Variants in MACROD2 observed in about 807,000 individuals in gnomAD.
MACROD2 encodes mono-ADP ribosylhydrolase 2, also known as ADP-ribose glycohydrolase MACROD2.
MACROD2 carries 36 observed loss-of-function variants against 70.4 expected under a neutral mutation model. The observed-to-expected ratio is 0.51, with a 90% CI of 0.39 to 0.68. The LOEUF is 0.68. MACROD2 is among the 30% of genes least tolerant of loss of function. The probability of loss-of-function intolerance (pLI) is 0.00; values close to 1 mark genes in which losing one functional copy is unlikely to be tolerated. For synonymous variants in MACROD2, 172 were observed against 178.8 expected, an observed-to-expected ratio of 0.96 and a Z score of 0.30; for missense variants, 496 against 538.4, an observed-to-expected ratio of 0.92 and a Z score of 0.78.
intron 15 of MACROD2, among the ~76,000 whole-genome samples, chr20:16,002,263 G>T (rs891449639): frequency 6.6e-6 from 1 of 152,056 alleles, no homozygotes; most frequent in Non-Finnish European, 1.5e-5. Flanking sequence ...GAACATTAAG[G>T]GTTACTGTTT....
intron 6 of MACROD2, among the ~76,000 whole-genome samples, chr20:15,325,770 T>C (rs973902393): frequency 5.9e-5 from 9 of 152,140 alleles, no homozygotes; most frequent in Admixed American, 3.9e-4. Context: ...GCATGACATA[T>C]GGTGGCCTTC....
intron 3 of MACROD2, among the ~76,000 whole-genome samples, chr20:14,361,350 C>T (rs941406207): frequency 2.0e-5 from 3 of 152,192 alleles, no homozygotes; most frequent in African/African-American, 7.2e-5. Flanking sequence ...CGTGAGGAAA[C>T]TGACATTGTG....
intron 15 of MACROD2, among the ~76,000 whole-genome samples, chr20:15,989,264 A>G (rs1025275363): frequency 1.3e-5 from 2 of 152,198 alleles, no homozygotes; most frequent in Non-Finnish European, 2.9e-5. Flanking sequence ...AGAAAGTCAC[A>G]TATTTTACAT....
chr20:15,136,913 A>T (rs6079675), intron 5 of MACROD2, among the ~76,000 whole-genome samples: 4 of 134,802 alleles, frequency 3.0e-5, no homozygotes, highest in Admixed American at 1.5e-4. Context: ...TGAACAGACA[A>T]TTCTCAAAAG....
chr20:15,865,045 A>G (rs1252036724), intron 9 of MACROD2, among the ~76,000 whole-genome samples: 2 of 152,140 alleles, frequency 1.3e-5, no homozygotes, highest in African/African-American at 4.8e-5. Flanking sequence ...GTTTCTTCCT[A>G]CTTGCCATGT....
At chr20:14,879,472 CT>C (rs2073587103) in intron 5 of MACROD2, among the ~76,000 whole-genome samples, 1 of 152,114 alleles carries the variant, frequency 6.6e-6, no homozygotes, top group South Asian at 2.1e-4. Context: ...GATTAACTTA[CT>C]TTTTTCCAGT....
At chr20:15,928,197 A>T (rs6135605) in intron 10 of MACROD2, among the ~76,000 whole-genome samples, 1 of 152,210 alleles carries the variant, frequency 6.6e-6, no homozygotes, top group African/African-American at 2.4e-5. Context: ...TGATTAGGAC[A>T]TGATTATGTC....
At chr20:15,483,847 A>T (rs2047130049) in intron 7 of MACROD2, among the ~76,000 whole-genome samples, 1 of 151,764 alleles carries the variant, frequency 6.6e-6, no homozygotes, top group South Asian at 2.1e-4. Context: ...TTTGTTTTTA[A>T]TTTCAAAATC....
chr20:14,802,317 C>T (rs1293607622), intron 5 of MACROD2, among the ~76,000 whole-genome samples: 1 of 152,054 alleles, frequency 6.6e-6, no homozygotes, highest in Admixed American at 6.6e-5. Context: ...TCACATGCTT[C>T]TGAACATCTT....
chr20:15,575,410 A>C (rs569374325), intron 8 of MACROD2, among the ~76,000 whole-genome samples: 121 of 152,300 alleles, frequency 7.9e-4, no homozygotes, highest in African/African-American at 2.7e-3. Context: ...ACCAAGAATG[A>C]ATGAATACCA....
chr20:15,357,845 C>T (rs189502789), intron 6 of MACROD2, among the ~76,000 whole-genome samples: 3 of 142,334 alleles, frequency 2.1e-5, no homozygotes, highest in African/African-American at 2.6e-5. Flanking sequence ...CTTGCTGTGT[C>T]GCCCAGGCTG....
intron 5 of MACROD2, among the ~76,000 whole-genome samples, chr20:14,965,256 C>T (rs1408590330): frequency 6.6e-6 from 1 of 151,868 alleles, no homozygotes; most frequent in Non-Finnish European, 1.5e-5. Flanking sequence ...ACAGTAACAT[C>T]AATATTTGAA....
At chr20:14,827,748 A>G (rs908442305) in intron 5 of MACROD2, among the ~76,000 whole-genome samples, 3 of 152,070 alleles carry the variant, frequency 2.0e-5, no homozygotes, top group East Asian at 1.9e-4. Flanking sequence ...CTTGGAAACT[A>G]TTAGCCTTCA....
chr20:14,586,897 C>T (rs1266086467), intron 4 of MACROD2, among the ~76,000 whole-genome samples: 2 of 151,956 alleles, frequency 1.3e-5, no homozygotes, highest in Non-Finnish European at 2.9e-5. Flanking sequence ...GATAATACCA[C>T]ATTACTCTTC....
intron 8 of MACROD2, among the ~76,000 whole-genome samples, chr20:15,718,856 G>T (rs1398051114): frequency 6.6e-6 from 1 of 152,200 alleles, no homozygotes; most frequent in Non-Finnish European, 1.5e-5. Context: ...GGATAAGATT[G>T]TTGGTTATCA....
rs568781179 is a variant in MACROD2, at chr20:15,066,518, G to A, written c.419-163422G>A. ...ATTCGTTCGCCAAATCAAGTCATAC[G>A]ACAAAAACCAACATCAATGACACTA... is the stretch of plus-strand genomic sequence containing the variant. On this transcript the variant is annotated intron_variant, in intron 5 of 17. Coordinates refer to ENST00000684519, the MANE Select transcript of MACROD2 (RefSeq NM_001351661.2). 4.6e-5 allele frequency among the ~76,000 whole-genome samples: 7 copies of A among 152,154 alleles called. No individual in the cohort carries two copies. In the South Asian group the frequency reaches 1.0e-3, roughly 23 times the overall value.
chr20:14,224,019 G>T (rs1009628919), intron 3 of MACROD2, among the ~76,000 whole-genome samples: 1 of 152,152 alleles, frequency 6.6e-6, no homozygotes, highest in African/African-American at 2.4e-5. Flanking sequence ...CCTCAGGGGC[G>T]GTGAGTCATT....
chr20:15,277,900 C>T (rs1213729800), intron 6 of MACROD2, among the ~76,000 whole-genome samples: 2 of 152,096 alleles, frequency 1.3e-5, no homozygotes, highest in Non-Finnish European at 2.9e-5. Flanking sequence ...TTTCTGTTCG[C>T]TTTTCTAATT....
chr20:15,616,058 G>C (rs2049032913), intron 8 of MACROD2, among the ~76,000 whole-genome samples: 1 of 151,444 alleles, frequency 6.6e-6, no homozygotes, highest in African/African-American at 2.4e-5. Context: ...ATACACCCCT[G>C]GTGGGTGGAG....
Sources: gnomAD v4.1 joint callset for allele counts (sites outside exome capture counted in the v4.1 genomes callset) on GRCh38, gnomAD v4.1.1 for gene constraint, MANE v1.5 for transcripts, NCBI Gene and HGNC (gene_info 2026-07-23, HGNC 2026-07-21) for gene names.